The following PALM2AKAP2 variants were observed in gnomAD, a reference collection of about 807,000 sequenced individuals.
PALM2AKAP2 encodes the protein PALM2-AKAP2 fusion protein.
A neutral mutation model predicts 71.5 loss-of-function variants in PALM2AKAP2; 37 were observed. That is an observed-to-expected ratio of 0.52 (90% CI 0.40 to 0.68). The LOEUF is 0.68. Ranked by LOEUF, PALM2AKAP2 falls within the 30% of genes least tolerant of loss-of-function variation. The pLI, the probability that PALM2AKAP2 is intolerant of heterozygous loss-of-function variation, is 0.00. For synonymous variants in PALM2AKAP2, 468 were observed against 478.8 expected, an observed-to-expected ratio of 0.98 and a Z score of 0.29; for missense variants, 1,224 against 1,191.8, an observed-to-expected ratio of 1.03 and a Z score of -0.40.
At chr9:109,989,768 G>A (rs1022855664) in intron 6 of PALM2AKAP2, among the ~76,000 whole-genome samples, 1 of 152,186 alleles carries the variant, frequency 6.6e-6, no homozygotes. Flanking sequence ...GTCCATCACA[G>A]TCTGTCCATT....
chr9:110,030,676 C>A (rs1318887088), intron 7 of PALM2AKAP2, among the ~76,000 whole-genome samples: 1 of 152,182 alleles, frequency 6.6e-6, no homozygotes, highest in Non-Finnish European at 1.5e-5. Flanking sequence ...TATCCAATGC[C>A]TTTCCCATCT....
At chr9:110,104,729 A>G (rs990690580) in intron 1 of PALM2AKAP2, among the ~76,000 whole-genome samples, 43 of 152,228 alleles carry the variant, frequency 2.8e-4, no homozygotes, top group African/African-American at 1.0e-3. Flanking sequence ...ACCTGGACTC[A>G]CTTGAGATGT....
intron 6 of PALM2AKAP2, among the ~76,000 whole-genome samples, chr9:109,958,135 G>T: frequency 6.7e-6 from 1 of 148,284 alleles, no homozygotes. Flanking sequence ...TATATTTGAG[G>T]CAGTTGATTG....
At chr9:109,831,180 CACAA>C (rs754406614) in intron 1 of PALM2AKAP2, among the ~76,000 whole-genome samples, 7 of 101,550 alleles carry the variant, frequency 6.9e-5, no homozygotes, top group East Asian at 9.3e-4. Context: ...CACACACACA[CACAA>C]GCATAAATAG....
intron 1 of PALM2AKAP2, among the ~76,000 whole-genome samples, chr9:110,050,310 G>A (rs1403031428): frequency 3.9e-5 from 6 of 152,250 alleles, no homozygotes; most frequent in Middle Eastern, 3.4e-3. Flanking sequence ...TCACCATTGG[G>A]ATCCCAGGGA....
At chr9:110,111,264 T>G (rs950469300) in intron 1 of PALM2AKAP2, among the ~76,000 whole-genome samples, 2 of 151,840 alleles carry the variant, frequency 1.3e-5, no homozygotes, top group Non-Finnish European at 2.9e-5. Flanking sequence ...GGTATTTCTT[T>G]TAATTATTTG....
At chr9:109,985,494 C>T (rs1375375868) in intron 6 of PALM2AKAP2, among the ~76,000 whole-genome samples, 1 of 151,592 alleles carries the variant, frequency 6.6e-6, no homozygotes, top group Non-Finnish European at 1.5e-5. Flanking sequence ...GTGGCGGGCA[C>T]CTGTAGTCCC....
chr9:109,839,276 G>T (rs1452086482), intron 1 of PALM2AKAP2, among the ~76,000 whole-genome samples: 1 of 152,070 alleles, frequency 6.6e-6, no homozygotes. Flanking sequence ...CAGAACCAAA[G>T]ACAAAAACCA....
At chr9:110,054,376 G>A (rs553197841) in intron 1 of PALM2AKAP2, among the ~76,000 whole-genome samples, 4 of 151,956 alleles carry the variant, frequency 2.6e-5, no homozygotes, top group African/African-American at 9.7e-5. Context: ...TCCAGCCTGG[G>A]CAACAAGAGT....
intron 5 of PALM2AKAP2, among the ~76,000 whole-genome samples, chr9:109,928,435 G>A (rs1831005722): frequency 6.6e-6 from 1 of 152,166 alleles, no homozygotes; most frequent in African/African-American, 2.4e-5. Flanking sequence ...TGTCAGTGGG[G>A]AGAATAGTGT....
At chr9:109,828,940 A>T (rs1459491984) in intron 1 of PALM2AKAP2, among the ~76,000 whole-genome samples, 3 of 152,236 alleles carry the variant, frequency 2.0e-5, no homozygotes, top group Non-Finnish European at 4.4e-5. Flanking sequence ...CGATGATGTG[A>T]TGTTGGGGTG....
chr9:110,076,513 G>GTATATATATA (rs1258256647), intron 1 of PALM2AKAP2, among the ~76,000 whole-genome samples: 22 of 76,604 alleles, frequency 2.9e-4, no homozygotes, highest in African/African-American at 7.3e-4. Flanking sequence ...ATATATATAG[G>GTATATATATA]TATATATACC....
intron 7 of PALM2AKAP2, among the ~76,000 whole-genome samples, chr9:110,023,959 TAAAATA>T (rs1038998293): frequency 3.9e-5 from 6 of 152,126 alleles, no homozygotes; most frequent in South Asian, 2.1e-4. Flanking sequence ...AAACAAAAAA[TAAAATA>T]AAAATAAAAA....
At chr9:109,879,565 C>T (rs935829154) in intron 2 of PALM2AKAP2, among the ~76,000 whole-genome samples, 2 of 152,204 alleles carry the variant, frequency 1.3e-5, no homozygotes, top group Non-Finnish European at 2.9e-5. Flanking sequence ...GGAATTTCAA[C>T]ATGCTTTTTT....
intron 1 of PALM2AKAP2, among the ~76,000 whole-genome samples, chr9:109,646,973 A>G (rs1236682475): frequency 6.6e-6 from 1 of 152,196 alleles, no homozygotes; most frequent in Non-Finnish European, 1.5e-5. Flanking sequence ...AAACAATTCA[A>G]ATATTACGGA....
chr9:109,953,060 C>T (rs940161541), intron 6 of PALM2AKAP2, among the ~76,000 whole-genome samples: 3 of 152,148 alleles, frequency 2.0e-5, no homozygotes, highest in East Asian at 3.9e-4. Context: ...AGGGAAGCTG[C>T]TTTGGCCTCC....
At chr9:110,101,231 A>T (rs549865058) in intron 1 of PALM2AKAP2, among the ~76,000 whole-genome samples, 3 of 152,080 alleles carry the variant, frequency 2.0e-5, no homozygotes, top group African/African-American at 7.2e-5. Context: ...CAAAACAGAA[A>T]TTTTAAAAAG....
rs560262248 is a variant in PALM2AKAP2, at chr9:109,959,507, TGGTG to T, written c.496+27481_496+27484del. On this transcript the variant is annotated intron_variant, in intron 6 of 9. Transcript: ENST00000302798. ...AAAATACAAAAAAACTAGCCAGGCA[TGGTG>T]GCGGGCGCCTGTAGTCCCAGCTACT... is the stretch of plus-strand genomic sequence containing the variant. Among the ~76,000 whole-genome samples, 28 of 151,966 alleles carry T rather than the reference TGGTG, an allele frequency of 1.8e-4. No individual in the cohort carries two copies. In the South Asian group the frequency reaches 5.4e-3, roughly 29 times the overall value.
chr9:109,794,668 G>A (rs1330335073), intron 1 of PALM2AKAP2, among the ~76,000 whole-genome samples: 2 of 152,294 alleles, frequency 1.3e-5, no homozygotes, highest in South Asian at 2.1e-4. Context: ...TAGCAGGATC[G>A]ACCCTAGTGT....
Sources: allele counts gnomAD v4.1 joint callset (sites outside exome capture counted in the v4.1 genomes callset), GRCh38; gene constraint gnomAD v4.1.1; transcripts MANE v1.5; gene names NCBI Gene and HGNC (gene_info 2026-07-23, HGNC 2026-07-21).